Variants in COL22A1 observed in about 807,000 individuals in gnomAD.
The protein encoded by COL22A1 is collagen alpha-1(XXII) chain.
Under a neutral mutation model 248.9 loss-of-function variants are expected in COL22A1, and 221 were observed. The ratio of observed to expected loss-of-function variants is 0.89; its 90% CI spans 0.80 to 0.99. The LOEUF is 0.99. Among genes scored for constraint, COL22A1 ranks in the 50% least tolerant of loss-of-function variants. The pLI is 0.00. For synonymous variants in COL22A1, 891 were observed against 793.4 expected, an observed-to-expected ratio of 1.12 and a Z score of -2.07; for missense variants, 2,240 against 2,179.0, an observed-to-expected ratio of 1.03 and a Z score of -0.56.
chr8:138,622,226 T>G (rs1183688948), intron 52 of COL22A1, among the ~76,000 whole-genome samples: 1 of 152,204 alleles, frequency 6.6e-6, no homozygotes, highest in Non-Finnish European at 1.5e-5. Flanking sequence ...TCATTGACAG[T>G]TAGATAAGCC....
chr8:138,613,704 G>A (rs1289881951), intron 56 of COL22A1, among the ~76,000 whole-genome samples, 163 bp downstream of exon 56: 1 of 151,454 alleles, frequency 6.6e-6, no homozygotes, highest in Non-Finnish European at 1.5e-5. Flanking sequence ...TGTTGGGGGA[G>A]GTGACTAGGG....
At chr8:138,593,216 G>C (rs536888708) in intron 63 of COL22A1, among the ~76,000 whole-genome samples, 1 of 151,954 alleles carries the variant, frequency 6.6e-6, no homozygotes, top group Non-Finnish European at 1.5e-5. Flanking sequence ...AGGGCCTGTC[G>C]GGGGGTGGGG....
intron 62 of COL22A1, among the ~76,000 whole-genome samples, chr8:138,595,862 T>C (rs984515759): frequency 3.3e-5 from 5 of 151,994 alleles, no homozygotes; most frequent in Non-Finnish European, 7.3e-5. Flanking sequence ...TCTTCTTTGC[T>C]GCAACAAGAA....
intron 1 of COL22A1, among the ~76,000 whole-genome samples, chr8:138,899,643 C>T (rs1270975700): frequency 6.6e-6 from 1 of 152,106 alleles, no homozygotes; most frequent in Non-Finnish European, 1.5e-5. Context: ...CCTGCCTCAG[C>T]CTCCTGGGTA....
At chr8:138,779,460 C>G (rs368393317) in intron 14 of COL22A1, 49 bp downstream of exon 14, 1 of 1,392,658 alleles carries the variant, frequency 7.2e-7, no homozygotes, top group East Asian at 2.3e-5. Context: ...TTGCACTGGG[C>G]CTTGTCCCCT....
At chr8:138,687,557 A>G (rs1826461699) in intron 37 of COL22A1, among the ~76,000 whole-genome samples, 1 of 152,212 alleles carries the variant, frequency 6.6e-6, no homozygotes, top group Non-Finnish European at 1.5e-5. Flanking sequence ...CCATGCCCCA[A>G]TATCGTCTCT....
intron 2 of COL22A1, 27 bp from the exon 3 acceptor site, chr8:138,878,343 T>C: frequency 1.3e-6 from 2 of 1,484,896 alleles, no homozygotes; most frequent in East Asian, 2.4e-5. Flanking sequence ...AGGGGTGGCG[T>C]AGGGCAAATG....
At chr8:138,807,842 G>T in intron 9 of COL22A1, 30 bp from the exon 10 acceptor site, 1 of 1,611,436 alleles carries the variant, frequency 6.2e-7, no homozygotes, top group South Asian at 1.1e-5. Context: ...AAAAAAGTAA[G>T]TTTCTATTTT....
chr8:138,816,041 G>A (rs1818660613), intron 7 of COL22A1, among the ~76,000 whole-genome samples: 1 of 152,192 alleles, frequency 6.6e-6, no homozygotes, highest in African/African-American at 2.4e-5. Flanking sequence ...AGAAACAGGA[G>A]AAAATGACAA....
At chr8:138,623,517 C>T (rs934710004) in intron 52 of COL22A1, among the ~76,000 whole-genome samples, 1 of 152,054 alleles carries the variant, frequency 6.6e-6, no homozygotes, top group Non-Finnish European at 1.5e-5. Flanking sequence ...CATCATGTGA[C>T]TTTGGGGCCA....
intron 5 of COL22A1, among the ~76,000 whole-genome samples, chr8:138,831,176 A>C (rs1170154065): frequency 6.6e-6 from 1 of 152,148 alleles, no homozygotes; most frequent in African/African-American, 2.4e-5. Flanking sequence ...GCACTCAGAG[A>C]ATGTTCATTG....
intron 16 of COL22A1, among the ~76,000 whole-genome samples, chr8:138,770,097 C>T (rs1009125812): frequency 2.6e-5 from 4 of 152,116 alleles, no homozygotes; most frequent in African/African-American, 7.2e-5. Context: ...CTGGTGGAGG[C>T]CAACCAGGGT....
In COL22A1 at chr8:138,694,537, A is replaced by G. The variant is rs771685487; in HGVS notation, c.2671T>C (p.Leu891=). Residue 891 remains leucine (L), a synonymous_variant, in exon 34 of 65, where the codon TTG becomes CTG. Transcript: ENST00000303045. ...EPGLQGRPGE[L]GPQGPTGPPG... is the part of the protein sequence containing the mutation. ...GGTCCAGTGGGTCCCTGAGGCCCCA[A>G]TTCTCCAGGACGGCCCTGCAGTCCC... The G allele has an allele frequency of 6.0e-5, 97 of 1,613,954 alleles. 1 individual carries two copies. The highest frequency in any genetic ancestry group is 1.1e-4 in the South Asian group (10 of 91,074).
chr8:138,889,713 T>C (rs1824914796), intron 1 of COL22A1, among the ~76,000 whole-genome samples: 1 of 152,122 alleles, frequency 6.6e-6, no homozygotes. Flanking sequence ...AAGCAAATAT[T>C]AGCTGCAACT....
chr8:138,655,408 G>C (rs1421901262), intron 45 of COL22A1, among the ~76,000 whole-genome samples: 1 of 152,110 alleles, frequency 6.6e-6, no homozygotes, highest in African/African-American at 2.4e-5. Flanking sequence ...ACCCAGGCTG[G>C]AGTGCAGTTG....
At chr8:138,771,344 A>T (rs1418309132) in intron 16 of COL22A1, among the ~76,000 whole-genome samples, 1 of 152,342 alleles carries the variant, frequency 6.6e-6, no homozygotes, top group Non-Finnish European at 1.5e-5. Flanking sequence ...ACAGATGGGA[A>T]GGCCCAAACC....
At chr8:138,756,209 A>G (rs905976415) in intron 18 of COL22A1, among the ~76,000 whole-genome samples, 7 of 152,278 alleles carry the variant, frequency 4.6e-5, no homozygotes, top group Middle Eastern at 3.4e-3. Context: ...GAGAGCTGTG[A>G]TGATATATTT....
rs772082755 is a variant in COL22A1, at chr8:138,802,894, G to C, written c.1535C>G (p.Pro512Arg). 2.5e-6 allele frequency: 4 copies of C among 1,613,858 alleles called. No individual in the cohort carries two copies. The highest frequency in any genetic ancestry group is 3.4e-6 in the Non-Finnish European group (4 of 1,179,868). ...CACCACATCACCTTTCTCTCCCTTAGGTCCAGGAGCGCCAACCGGCCCAAT... is the reference window on the plus strand; with the variant it reads ...CACCACATCACCTTTCTCTCCCTTACGTCCAGGAGCGCCAACCGGCCCAAT... ...GAIGPVGAPG[P>R]KGEKGDVGIG... Residue 512 changes from proline to arginine, a missense_variant, in exon 11 of 65, where the codon CCT becomes CGT. Coordinates refer to ENST00000303045, the MANE Select transcript of COL22A1 (RefSeq NM_152888.3).
intron 4 of COL22A1, among the ~76,000 whole-genome samples, chr8:138,842,831 G>A (rs891342906): frequency 3.3e-5 from 5 of 152,218 alleles, no homozygotes; most frequent in African/African-American, 1.2e-4. Context: ...CTGGGCACCA[G>A]CTACGCAGCA....
Sources: allele counts gnomAD v4.1 joint callset (sites outside exome capture counted in the v4.1 genomes callset), GRCh38; gene constraint gnomAD v4.1.1; transcripts MANE v1.5; gene names NCBI Gene and HGNC (gene_info 2026-07-23, HGNC 2026-07-21).